The following C13orf42 variants were observed in gnomAD, a reference collection of about 807,000 sequenced individuals.
C13orf42 encodes uncharacterized protein C13orf42.
chr13:51,131,795 TAG>T (rs1781873792), intron 1 of C13orf42, among the ~76,000 whole-genome samples: 1 of 152,336 alleles, frequency 6.6e-6, no homozygotes, highest in African/African-American at 2.4e-5. Context: ...AATGGGAAAC[TAG>T]AGAGAGAAAA....
At chr13:51,122,998 G>T (rs1953548794) in intron 1 of C13orf42, among the ~76,000 whole-genome samples, 2 of 152,202 alleles carry the variant, frequency 1.3e-5, no homozygotes, top group African/African-American at 2.4e-5. Context: ...AAGATGGATT[G>T]ATACTTGTGG....
chr13:51,128,186 AACTAGCAGCCCTTG>A (rs1252482843), intron 1 of C13orf42, among the ~76,000 whole-genome samples: 2 of 152,248 alleles, frequency 1.3e-5, no homozygotes, highest in African/African-American at 4.8e-5. Flanking sequence ...AAAAATGGGC[AACTAGCAGCCCTTG>A]GGGCTGCTCT....
At chr13:51,163,841 G>T (rs953172516) in intron 1 of C13orf42, among the ~76,000 whole-genome samples, 1 of 152,158 alleles carries the variant, frequency 6.6e-6, no homozygotes, top group Admixed American at 6.5e-5. Context: ...CACATAGAAG[G>T]ATGGGTACTA....
chr13:51,102,189 A>G (rs1953300985), intron 1 of C13orf42, among the ~76,000 whole-genome samples: 1 of 152,226 alleles, frequency 6.6e-6, no homozygotes, highest in Non-Finnish European at 1.5e-5. Flanking sequence ...AGCCCCCGCC[A>G]GTAACTGATG....
At chr13:51,099,495 C>T (rs887897061) in intron 1 of C13orf42, among the ~76,000 whole-genome samples, 4 of 152,274 alleles carry the variant, frequency 2.6e-5, no homozygotes, top group Admixed American at 1.3e-4. Context: ...TATAACTAAA[C>T]CATGGTATTA....
chr13:51,139,038 C>T (rs1010812914), intron 1 of C13orf42, among the ~76,000 whole-genome samples: 5 of 152,086 alleles, frequency 3.3e-5, no homozygotes, highest in Non-Finnish European at 5.9e-5. Context: ...AAACTCCGGC[C>T]GGGTGCAGTA....
Position 51,111,176 on chromosome 13 carries a change from T to G in C13orf42, c.34A>C (p.Ser12Arg), listed in dbSNP as rs1299075254. ...TCGGCCGCCGTCTTTCTCTGTGGGC[T>G]GGAGTTAAAGATGGAGTGGATCTTT... ...FRKIHSIFNS[S>R]PQRKTAAESP... The change falls in exon 1 of 4, where the codon AGC becomes CGC. Residue 12 changes from serine (S) to arginine (R), a missense_variant. By Grantham distance (110) the Ser-to-Arg change is moderately radical. Transcript: ENST00000563710. The G allele has an allele frequency of 2.5e-6, 1 of 398,546 alleles. No individual in the cohort carries two copies. Among genetic ancestry groups the G allele is most frequent in the Non-Finnish European group, 4.4e-6 (1 of 226,096 alleles). 24.7% of individuals were successfully genotyped at this position (398,546 alleles called of 1,614,324 possible).
At chr13:51,088,166 C>T (rs537930691) in intron 1 of C13orf42, 91 bp from the exon 2 acceptor site, 28 of 396,342 alleles carry the variant, frequency 7.1e-5, no homozygotes, top group South Asian at 4.2e-4. Context: ...ACGAAATGCG[C>T]GTGGGGTTAG....
chr13:51,125,549 G>C (rs1337132532), intron 1 of C13orf42, among the ~76,000 whole-genome samples: 1 of 152,104 alleles, frequency 6.6e-6, no homozygotes, highest in African/African-American at 2.4e-5. Flanking sequence ...AACAGTGCTG[G>C]GTGGATTAAT....
intron 1 of C13orf42, among the ~76,000 whole-genome samples, chr13:51,108,392 G>A (rs527581016): frequency 5.3e-5 from 8 of 152,118 alleles, no homozygotes; most frequent in Non-Finnish European, 1.0e-4. Context: ...ATGGGGTAAC[G>A]GCATTCCAGG....
chr13:51,148,710 G>C (rs1457723226), intron 1 of C13orf42, among the ~76,000 whole-genome samples: 1 of 152,356 alleles, frequency 6.6e-6, no homozygotes, highest in East Asian at 1.9e-4. Flanking sequence ...ACGTGCCTTA[G>C]GAAAAGGAAG....
chr13:51,164,997 G>A (rs915470326), intron 1 of C13orf42, among the ~76,000 whole-genome samples: 6 of 152,158 alleles, frequency 3.9e-5, no homozygotes, highest in Non-Finnish European at 8.8e-5. Context: ...GCATATGATG[G>A]CACTGAAAGC....
intron 1 of C13orf42, among the ~76,000 whole-genome samples, chr13:51,142,806 GAA>G (rs2138031527): frequency 6.6e-6 from 1 of 152,056 alleles, no homozygotes; most frequent in South Asian, 2.1e-4. Flanking sequence ...TGTTATATAA[GAA>G]AGAATCTTCT....
intron 1 of C13orf42, among the ~76,000 whole-genome samples, chr13:51,153,630 C>CTTTTTTTTTTTTTTTTTTTTT (rs1206289963): frequency 9.8e-5 from 8 of 81,246 alleles, no homozygotes; most frequent in East Asian, 7.5e-4. Flanking sequence ...TGTTTTTTTT[C>CTTTTTTTTTTTTTTTTTTTTT]TTTTTTTTTT....
chr13:51,094,300 C>T (rs796520254), intron 1 of C13orf42, among the ~76,000 whole-genome samples: 2 of 152,286 alleles, frequency 1.3e-5, no homozygotes, highest in African/African-American at 4.8e-5. Context: ...GTCATTACTT[C>T]TAGGCCTTTT....
intron 1 of C13orf42, among the ~76,000 whole-genome samples, chr13:51,170,172 A>T (rs989511340): frequency 1.3e-5 from 2 of 151,934 alleles, no homozygotes; most frequent in African/African-American, 4.8e-5. Context: ...TCCTTTACCT[A>T]CCCAAATCCT....
chr13:51,090,456 A>G (rs1448410263), intron 1 of C13orf42, among the ~76,000 whole-genome samples: 47 of 152,120 alleles, frequency 3.1e-4, no homozygotes, highest in Admixed American at 2.9e-3. Flanking sequence ...CTGAGGAAGG[A>G]TGGGTATTAT....
chr13:51,118,178 A>C (rs923963746), intron 1 of C13orf42, among the ~76,000 whole-genome samples: 2 of 152,210 alleles, frequency 1.3e-5, no homozygotes, highest in East Asian at 3.8e-4. Context: ...TAGATGGCTC[A>C]GTTTCATTTG....
At chr13:51,158,584 CTCTG>C (rs1336091950) in intron 1 of C13orf42, among the ~76,000 whole-genome samples, 1 of 152,146 alleles carries the variant, frequency 6.6e-6, no homozygotes, top group African/African-American at 2.4e-5. Flanking sequence ...GCCTGTACCT[CTCTG>C]TCTGTCACCT....
Sources: allele counts gnomAD v4.1 joint callset (sites outside exome capture counted in the v4.1 genomes callset), GRCh38; gene constraint gnomAD v4.1.1; transcripts MANE v1.5; gene names NCBI Gene and HGNC (gene_info 2026-07-23, HGNC 2026-07-21).